The following CAAP1 variants were observed in gnomAD, a reference collection of about 807,000 sequenced individuals.
The protein encoded by CAAP1 is caspase activity and apoptosis inhibitor 1.
CAAP1 carries 20 observed loss-of-function variants against 34.0 expected under a neutral mutation model. That is an observed-to-expected ratio of 0.59 (90% CI 0.41 to 0.86). CAAP1 has a LOEUF of 0.86. Among genes scored for constraint, CAAP1 ranks in the 40% least tolerant of loss-of-function variants. CAAP1 has a pLI of 0.00. For synonymous variants in CAAP1, 213 were observed against 166.7 expected (o/e 1.28, Z -2.14); for missense variants, 538 against 450.5 (o/e 1.19, Z -1.76).
At chr9:26,858,927 G>C (rs191128830) in intron 5 of CAAP1, among the ~76,000 whole-genome samples, 3 of 151,426 alleles carry the variant, frequency 2.0e-5, no homozygotes, top group Non-Finnish European at 2.9e-5. Flanking sequence ...GAACCTGGGA[G>C]GCGGAGCTGG....
intron 4 of CAAP1, among the ~76,000 whole-genome samples, chr9:26,882,786 G>A (rs1053389659): frequency 6.6e-6 from 1 of 152,166 alleles, no homozygotes; most frequent in African/African-American, 2.4e-5. Flanking sequence ...ACCCTACAAA[G>A]AAACAGGCGC....
rs751457189 is a variant in CAAP1, at chr9:26,891,674, A to T, written c.303+739T>A. 2.0e-5 allele frequency among the ~76,000 whole-genome samples: 3 copies of T among 152,216 alleles called. No individual in the cohort carries two copies. The South Asian group carries it at 6.2e-4, about 31-fold the overall frequency. On this transcript the variant is annotated intron_variant, in intron 1 of 5. Coordinates refer to ENST00000333916, the MANE Select transcript of CAAP1 (RefSeq NM_024828.4). ...CGTATATAAAGAAGCCTATCACAAC[A>T]ATGCAGGTATTCAACAGCGGGAATA... is the stretch of plus-strand genomic sequence containing the variant.
Position 26,842,401 on chromosome 9 carries a change from A to G in CAAP1, c.986T>C (p.Val329Ala). ...ATLAVPPPED[V>A]QPSAQQLELL... is the part of the protein sequence containing the mutation. ...CTCCAGTTGCTGTGCAGAAGGTTGA[A>G]CATCTTCTGGTGGAGGAACAGCCAG... The change falls in exon 6 of 6, where the codon GTT becomes GCT. Residue 329 changes from valine (V) to alanine (A), a missense_variant. This residue lies in a region of CAAP1 where 6 missense variants were observed against 19.8 expected (regional missense o/e 0.30). Coordinates refer to ENST00000333916, the MANE Select transcript of CAAP1 (RefSeq NM_024828.4). The G allele has an allele frequency of 1.2e-6, 2 of 1,614,152 alleles. No individual in the cohort carries two copies. Among genetic ancestry groups the G allele is most frequent in the South Asian group, 2.2e-5 (2 of 91,084 alleles).
chr9:26,879,165 G>C (rs1021125854), intron 4 of CAAP1, among the ~76,000 whole-genome samples: 1 of 152,118 alleles, frequency 6.6e-6, no homozygotes, highest in Non-Finnish European at 1.5e-5. Context: ...GCTCCTCAAA[G>C]TGATTTGAAG....
At position 26,842,113 on chromosome 9, in the gene CAAP1, A is replaced by G. The variant is rs989472687; in HGVS notation, c.*188T>C. ...TGCCATGAATTCATAAGACAGTAACACACATTTATAATATAAAAGTAGTCA... is the reference window on the plus strand; with the variant it reads ...TGCCATGAATTCATAAGACAGTAACGCACATTTATAATATAAAAGTAGTCA... On this transcript the variant is annotated 3_prime_UTR_variant, in exon 6 of 6. Coordinates refer to ENST00000333916, the MANE Select transcript of CAAP1 (RefSeq NM_024828.4). 1 of 517,688 alleles carries G rather than the reference A, an allele frequency of 1.9e-6. No individual in the cohort carries two copies. Among genetic ancestry groups the G allele is most frequent in the Non-Finnish European group, 3.4e-6 (1 of 297,340 alleles). 32.1% of individuals were successfully genotyped at this position (517,688 alleles called of 1,614,324 possible).
intron 5 of CAAP1, among the ~76,000 whole-genome samples, chr9:26,858,627 C>T (rs969313423): frequency 6.6e-6 from 1 of 151,970 alleles, no homozygotes; most frequent in African/African-American, 2.4e-5. Flanking sequence ...TCAAGACCAT[C>T]CTGGTTAACA....
chr9:26,865,844 T>C (rs952650064), intron 4 of CAAP1, among the ~76,000 whole-genome samples: 7 of 152,110 alleles, frequency 4.6e-5, no homozygotes, highest in African/African-American at 1.7e-4. Flanking sequence ...TAAATAACTT[T>C]ATTTATTTAT....
intron 5 of CAAP1, among the ~76,000 whole-genome samples, chr9:26,858,278 C>T (rs1332611125): frequency 2.0e-5 from 3 of 152,096 alleles, no homozygotes; most frequent in Non-Finnish European, 4.4e-5. Context: ...AATATTAGTG[C>T]ACTTAGAAAA....
chr9:26,892,737 G>C lies in CAAP1; in HGVS notation c.-22C>G, dbSNP rs749435158. 1.9e-6 allele frequency: 3 copies of C among 1,559,770 alleles called. No homozygotes were observed. Among genetic ancestry groups the C allele is most frequent in the Admixed American group, 3.6e-5 (2 of 55,342 alleles). On this transcript the variant is annotated 5_prime_UTR_variant, in exon 1 of 6. Coordinates refer to ENST00000333916, the MANE Select transcript of CAAP1 (RefSeq NM_024828.4). ...TCATGATCCCTCTGCTGCAACCATC[G>C]GAGGAAAGTCCGCTGTCTCTGGTGC...
At chr9:26,843,674 A>G (rs531188423) in intron 5 of CAAP1, among the ~76,000 whole-genome samples, 1 of 152,032 alleles carries the variant, frequency 6.6e-6, no homozygotes, top group African/African-American at 2.4e-5. Context: ...CTTTCCTTAC[A>G]GTAGGGAAAG....
intron 4 of CAAP1, among the ~76,000 whole-genome samples, chr9:26,871,003 T>C (rs1172781636): frequency 1.3e-5 from 2 of 152,168 alleles, no homozygotes; most frequent in African/African-American, 2.4e-5. Context: ...TAGAGCACAG[T>C]AAATTTTACT....
intron 5 of CAAP1, among the ~76,000 whole-genome samples, chr9:26,846,206 CAGGAG>C: frequency 6.6e-6 from 1 of 152,008 alleles, no homozygotes; most frequent in African/African-American, 2.4e-5. Flanking sequence ...ATCACAAGGT[CAGGAG>C]TTCAAGACTA....
chr9:26,885,446 T>G (rs978736554), intron 3 of CAAP1, among the ~76,000 whole-genome samples: 2 of 152,214 alleles, frequency 1.3e-5, no homozygotes, highest in Non-Finnish European at 1.5e-5. Flanking sequence ...TTACACACTA[T>G]GTACATATGT....
intron 4 of CAAP1, among the ~76,000 whole-genome samples, chr9:26,874,692 C>T (rs1823382352): frequency 1.3e-5 from 2 of 152,112 alleles, no homozygotes; most frequent in Non-Finnish European, 2.9e-5. Flanking sequence ...TCATTAATTT[C>T]AAGTTTCAAA....
rs772990810 is a variant in CAAP1, at chr9:26,861,058, G to C, written c.739+8C>G. 46 of 1,585,626 alleles carry C rather than the reference G, an allele frequency of 2.9e-5. No individual in the cohort carries two copies. In the South Asian group the frequency reaches 4.9e-4, roughly 17 times the overall value. ...ATTTTATACAATAATCAAGTACTTG[G>C]TTCATACCTTGTTTTAATTCCAAAC... On this transcript the variant is annotated splice_region_variant and intron_variant, in intron 5 of 5. Coordinates refer to ENST00000333916, the MANE Select transcript of CAAP1 (RefSeq NM_024828.4).
chr9:26,845,315 T>C (rs532841919), intron 5 of CAAP1, among the ~76,000 whole-genome samples: 1 of 152,318 alleles, frequency 6.6e-6, no homozygotes, highest in Admixed American at 6.5e-5. Flanking sequence ...CTTCATCTCT[T>C]AACTTTTATT....
At chr9:26,879,701 T>C (rs1231185081) in intron 4 of CAAP1, among the ~76,000 whole-genome samples, 2 of 152,150 alleles carry the variant, frequency 1.3e-5, no homozygotes, top group Non-Finnish European at 1.5e-5. Flanking sequence ...ACTTGCTGAG[T>C]CTTCCAGGCT....
At chr9:26,853,090 A>C (rs1421334045) in intron 5 of CAAP1, among the ~76,000 whole-genome samples, 4 of 152,176 alleles carry the variant, frequency 2.6e-5, no homozygotes, top group African/African-American at 9.7e-5. Context: ...AGCTATTAGA[A>C]GGCTTTGATA....
intron 5 of CAAP1, among the ~76,000 whole-genome samples, chr9:26,852,740 TA>T (rs1266883993): frequency 6.6e-6 from 1 of 152,016 alleles, no homozygotes; most frequent in Non-Finnish European, 1.5e-5. Context: ...TACAGTACAG[TA>T]AATCTGACAT....
Sources: allele counts gnomAD v4.1 joint callset (sites outside exome capture counted in the v4.1 genomes callset), GRCh38; gene constraint gnomAD v4.1.1; regional missense constraint gnomAD v4.1.1; transcripts MANE v1.5; gene names NCBI Gene and HGNC (gene_info 2026-07-23, HGNC 2026-07-21).